CWC25: variants seen among roughly 807,000 people sequenced by gnomAD.
CWC25 encodes the protein CWC25 spliceosome associated protein, also known as pre-mRNA-splicing factor CWC25 homolog.
In CWC25, 31 loss-of-function variants were observed where a neutral mutation model predicts 54.6. The ratio of observed to expected loss-of-function variants is 0.57; its 90% CI spans 0.43 to 0.77. The LOEUF is 0.77. Among genes scored for constraint, CWC25 ranks in the 30% least tolerant of loss-of-function variants. CWC25 has a pLI of 0.00. For synonymous variants in CWC25, 151 were observed against 187.0 expected, an observed-to-expected ratio of 0.81 and a Z score of 1.57; for missense variants, 453 against 529.3, an observed-to-expected ratio of 0.86 and a Z score of 1.41.
rs1413454867 is a variant in CWC25, at chr17:38,810,538, GCTTCTTTTTCTTCTC to G, written c.541_555del (p.Glu181_Lys185del). On this transcript the variant is annotated inframe_deletion, in exon 5 of 10. Coordinates refer to ENST00000614790, the MANE Select transcript of CWC25 (RefSeq NM_017748.5). Reference sequence around the variant, plus strand: ...GAGCTTCTGTGCTTATGTTTCTTGTGCTTCTTTTTCTTCTCCTTCTTTTTCTTCTTCTCCTTTTTT... The same window carrying G: ...GAGCTTCTGTGCTTATGTTTCTTGTGCTTCTTTTTCTTCTTCTCCTTTTTT... 1.7e-5 allele frequency: 27 copies of G among 1,599,364 alleles called. No individual in the cohort carries two copies. The highest frequency in any genetic ancestry group is 2.3e-5 in the South Asian group (2 of 88,448).
chr17:38,812,528 G>A (rs1911532336), intron 4 of CWC25, among the ~76,000 whole-genome samples: 1 of 152,162 alleles, frequency 6.6e-6, no homozygotes. Context: ...TAGGGAGGCT[G>A]AGGCAGGAGA....
chr17:38,801,928 C>T lies in CWC25; in HGVS notation c.*164G>A, dbSNP rs1911043626. The T allele has an allele frequency of 1.9e-6, 1 of 516,316 alleles. No individual in the cohort carries two copies. The highest frequency in any genetic ancestry group is 1.9e-5 in the African/African-American group (1 of 51,662). The allele number at this position is 516,316 out of a possible 1,614,324, so 32.0% of individuals were successfully genotyped here. A position where few individuals can be genotyped will look rare whatever the true frequency, so the allele number is the denominator to read the frequency against. ...TCCCACAAAGCAAGTCACACTAGCT[C>T]TCAAAGGAAGTGAGCTGTTTCAGGA... On this transcript the variant is annotated 3_prime_UTR_variant, in exon 10 of 10. Transcript: ENST00000614790.
chr17:38,820,830 C>T, intron 2 of CWC25, 71 bp downstream of exon 2: 1 of 1,516,364 alleles, frequency 6.6e-7, no homozygotes, highest in Non-Finnish European at 8.9e-7. Context: ...CATTATACAA[C>T]ACTGGATGAT....
chr17:38,809,082 C>CAA (rs1402224890), intron 6 of CWC25, among the ~76,000 whole-genome samples: 2,446 of 120,048 alleles, frequency 0.02, 63 homozygotes, highest in African/African-American at 0.069. Context: ...CACTGCTACT[C>CAA]AAAAAAAAAA....
Position 38,807,168 on chromosome 17 carries a change from A to T in CWC25, c.691-192T>A, listed in dbSNP as rs190554534. Among the ~76,000 whole-genome samples the T allele has an allele frequency of 3.0e-3, 462 of 151,720 alleles. 2 individuals are homozygous for T. Among genetic ancestry groups the T allele is most frequent in the African/African-American group, 0.01 (426 of 41,400 alleles). On this transcript the variant is annotated intron_variant, in intron 6 of 9. Transcript: ENST00000614790. ...TGAAACCCTGTCTCTACTGAAAATTAAAAAATTAGCTGGGCGTGGTGGTGG... is the reference window on the plus strand; with the variant it reads ...TGAAACCCTGTCTCTACTGAAAATTTAAAAATTAGCTGGGCGTGGTGGTGG...
chr17:38,817,589 C>T (rs1911753314), intron 2 of CWC25, among the ~76,000 whole-genome samples: 1 of 151,784 alleles, frequency 6.6e-6, no homozygotes, highest in African/African-American at 2.4e-5. Flanking sequence ...GAGACCAAGG[C>T]CATCCAGGCC....
At chr17:38,804,026 CAG>C (rs1911129967) in intron 8 of CWC25, among the ~76,000 whole-genome samples, 2 of 152,204 alleles carry the variant, frequency 1.3e-5, no homozygotes, top group African/African-American at 4.8e-5. Context: ...ACCTAGGCAA[CAG>C]AGTGAGACCT....
chr17:38,809,184 T>C (rs1411505923), intron 6 of CWC25, among the ~76,000 whole-genome samples: 3 of 151,650 alleles, frequency 2.0e-5, no homozygotes, highest in East Asian at 3.9e-4. Context: ...TCCCAGCACT[T>C]TGGGAGGCCG....
At chr17:38,819,674 AT>A (rs1333556905) in intron 2 of CWC25, among the ~76,000 whole-genome samples, 11 of 128,940 alleles carry the variant, frequency 8.5e-5, no homozygotes, top group South Asian at 2.5e-4. Flanking sequence ...CCCAGCCTCT[AT>A]TTTTTTTTTG....
chr17:38,810,504 T>A lies in CWC25; in HGVS notation c.590A>T (p.Asp197Val), dbSNP rs747132752. The A allele has an allele frequency of 2.5e-6, 4 of 1,606,410 alleles. No homozygotes were observed. The South Asian group carries it at 3.4e-5, about 14-fold the overall frequency. ...GTGCTCATCCTCGCTGCTGGAACGA[T>A]CACTACTCGAGCTTCTGTGCTTATG... Reference protein sequence around the residue: ...KKHKHRSSSSDRSSSEDEHSA... With the variant: ...KKHKHRSSSSVRSSSEDEHSA... The change falls in exon 5 of 10, where the codon GAT becomes GTT. Residue 197 changes from aspartate (D) to valine (V), a missense_variant. Physicochemically the swap from Asp to Val is radical, Grantham distance 152. Around this residue, in one of 2 missense-constraint regions of CWC25, gnomAD observed 444 missense variants for 499.2 expected, o/e 0.89. Coordinates refer to ENST00000614790, the MANE Select transcript of CWC25 (RefSeq NM_017748.5).
Position 38,825,166 on chromosome 17 carries a change from C to T in CWC25, c.18G>A (p.Leu6=). Reference sequence around the variant, plus strand: ...CCCGCCCAGGCCTCCCTCCACTCACCAGGTCTCCGCCCCCCATGACGGTGG... The same window carrying T: ...CCCGCCCAGGCCTCCCTCCACTCACTAGGTCTCCGCCCCCCATGACGGTGG... MGGGD[L]NLKKSWHPQT... Residue 6 remains leucine (L), a splice_region_variant and synonymous_variant, in exon 1 of 10, where the codon CTG becomes CTA. Coordinates refer to ENST00000614790, the MANE Select transcript of CWC25 (RefSeq NM_017748.5). The T allele has an allele frequency of 6.3e-7, 1 of 1,582,296 alleles. No homozygotes were observed. The highest frequency in any genetic ancestry group is 1.8e-5 in the Admixed American group (1 of 54,550).
At position 38,806,985 on chromosome 17, in the gene CWC25, T is replaced by A; in HGVS notation, c.691-9A>T. The A allele has an allele frequency of 1.2e-6, 2 of 1,600,124 alleles. No individual in the cohort carries two copies. Among genetic ancestry groups the A allele is most frequent in the Non-Finnish European group, 1.7e-6 (2 of 1,173,964 alleles). On this transcript the variant is annotated splice_polypyrimidine_tract_variant and intron_variant, in intron 6 of 9. Transcript: ENST00000614790. ...CGGTCAGAGTTCCGGACCTACATCA[T>A]TAAGGAAAAGAGAAGTTATTCACAT...
intron 1 of CWC25, 67 bp downstream of exon 1, chr17:38,825,099 A>G: frequency 2.3e-6 from 3 of 1,306,186 alleles, no homozygotes; most frequent in East Asian, 2.8e-5. Flanking sequence ...TCCTTCCTCT[A>G]CCCCCACCCC....
At chr17:38,825,029 C>G (rs1912087373) in intron 1 of CWC25, 137 bp downstream of exon 1, 2 of 757,404 alleles carry the variant, frequency 2.6e-6, no homozygotes, top group African/African-American at 3.6e-5. Context: ...GATCCATCCC[C>G]TCTTCAGGGC....
At chr17:38,822,317 C>T (rs1401569106) in intron 1 of CWC25, among the ~76,000 whole-genome samples, 1 of 152,164 alleles carries the variant, frequency 6.6e-6, no homozygotes, top group Non-Finnish European at 1.5e-5. Context: ...CCTGCCTTGG[C>T]CTCTCAAAGT....
At chr17:38,817,361 G>C (rs1268963966) in intron 2 of CWC25, among the ~76,000 whole-genome samples, 1 of 149,624 alleles carries the variant, frequency 6.7e-6, no homozygotes, top group Non-Finnish European at 1.5e-5. Flanking sequence ...AATAAGAATT[G>C]ATCATGGGGC....
chr17:38,805,757 C>T (rs1911211155), intron 8 of CWC25, among the ~76,000 whole-genome samples: 1 of 152,092 alleles, frequency 6.6e-6, no homozygotes, highest in East Asian at 1.9e-4. Context: ...CCTTAGCCTC[C>T]CAAAGCGCTG....
At chr17:38,811,540 C>G (rs1239522047) in intron 4 of CWC25, among the ~76,000 whole-genome samples, 1 of 53,382 alleles carries the variant, frequency 1.9e-5, no homozygotes, top group Admixed American at 2.1e-4. Flanking sequence ...GACTCCGTCT[C>G]AAAAAAAAAA....
In CWC25 at chr17:38,825,206, T is replaced by C; in HGVS notation, c.-23A>G. 6.4e-7 allele frequency: 1 copy of C among 1,566,192 alleles called. No individual in the cohort carries two copies. Among genetic ancestry groups the C allele is most frequent in the African/African-American group, 1.4e-5 (1 of 73,114 alleles). ...CATGACGGTGGAGACGATTCCTCAC[T>C]ACGCGGATCTGGAAGATTTCGGGAG... On this transcript the variant is annotated 5_prime_UTR_variant, in exon 1 of 10. Transcript: ENST00000614790.
Sources: gnomAD v4.1 joint callset for allele counts (sites outside exome capture counted in the v4.1 genomes callset) on GRCh38, gnomAD v4.1.1 for gene constraint, gnomAD v4.1.1 regional missense constraint, MANE v1.5 for transcripts, NCBI Gene and HGNC (gene_info 2026-07-23, HGNC 2026-07-21) for gene names.